KCND2: variants seen among roughly 807,000 people sequenced by gnomAD.
KCND2 encodes potassium voltage-gated channel subfamily D member 2.
A neutral mutation model predicts 54.4 loss-of-function variants in KCND2; 16 were observed. That is an observed-to-expected ratio of 0.29 (90% CI 0.20 to 0.45). KCND2 has a LOEUF of 0.45. Ranked by LOEUF, KCND2 falls within the 20% of genes least tolerant of loss-of-function variation. KCND2 has a pLI of 1.00. For missense variants in KCND2, 486 were observed against 824.2 expected, an observed-to-expected ratio of 0.59 and a Z score of 5.02; for synonymous variants, 317 against 310.7, an observed-to-expected ratio of 1.02 and a Z score of -0.21.
chr7:120,553,073 G>T (rs960749781), intron 1 of KCND2, among the ~76,000 whole-genome samples: 4 of 152,102 alleles, frequency 2.6e-5, no homozygotes. Context: ...TCTTTTAGCA[G>T]ATTTCAAGTA....
At chr7:120,444,928 T>C (rs1482242014) in intron 1 of KCND2, among the ~76,000 whole-genome samples, 2 of 152,068 alleles carry the variant, frequency 1.3e-5, no homozygotes, top group Admixed American at 1.3e-4. Context: ...TCAACTGTCA[T>C]TGGGCATGTT....
chr7:120,663,040 G>A (rs187974707), intron 1 of KCND2, among the ~76,000 whole-genome samples: 25 of 152,214 alleles, frequency 1.6e-4, no homozygotes, highest in African/African-American at 5.3e-4. Context: ...CCTGACCTCC[G>A]TTGCAACACA....
chr7:120,534,300 T>C (rs1791876579), intron 1 of KCND2, among the ~76,000 whole-genome samples: 1 of 152,092 alleles, frequency 6.6e-6, no homozygotes, highest in African/African-American at 2.4e-5. Flanking sequence ...TTGCATGATG[T>C]AATATGAATA....
At chr7:120,384,873 T>C (rs1221014297) in intron 1 of KCND2, among the ~76,000 whole-genome samples, 1 of 152,130 alleles carries the variant, frequency 6.6e-6, no homozygotes, top group Non-Finnish European at 1.5e-5. Flanking sequence ...CAAAACTCTG[T>C]TCTTATGGAA....
intron 1 of KCND2, among the ~76,000 whole-genome samples, chr7:120,588,305 A>G (rs1792625926): frequency 6.6e-6 from 1 of 152,118 alleles, no homozygotes; most frequent in Non-Finnish European, 1.5e-5. Context: ...TCCAGAATTA[A>G]AATACTATGA....
intron 1 of KCND2, among the ~76,000 whole-genome samples, chr7:120,349,663 C>A (rs73431947): frequency 0.013 from 2,047 of 152,212 alleles, 46 homozygotes; most frequent in African/African-American, 0.044. Flanking sequence ...ATTGAAGATA[C>A]CATGCAAGTT....
intron 1 of KCND2, among the ~76,000 whole-genome samples, chr7:120,331,211 G>A (rs1374906025): frequency 6.6e-6 from 1 of 151,968 alleles, no homozygotes; most frequent in East Asian, 1.9e-4. Flanking sequence ...TAATTAGAAA[G>A]ATAGTCATGT....
rs1270982973 is a variant in KCND2 at position 120,650,215 on chromosome 7, C to T, written c.1116-82688C>T. Among the ~76,000 whole-genome samples the T allele has an allele frequency of 2.5e-5, 3 of 121,322 alleles. 1 individual carries two copies. The highest frequency in any genetic ancestry group is 2.0e-4 in the East Asian group (1 of 5,090). 79.6% of individuals were successfully genotyped at this position (121,322 alleles called of 152,430 possible). On this transcript the variant is annotated intron_variant, in intron 1 of 5. Transcript: ENST00000331113. Reference sequence around the variant, plus strand: ...GGATAATATCCTGCAAAGTGTTTTCCAACTTGGTTCCATTCTCCCCGTCAC... The same window carrying T: ...GGATAATATCCTGCAAAGTGTTTTCTAACTTGGTTCCATTCTCCCCGTCAC...
rs1353925469 is a variant in KCND2, at chr7:120,273,370, G to A, written c.-1263G>A. ...CGCGCTCGGACGAGAGCCCGTGCCG[G>A]CCCCGGCCCCGGCCCCACCGCGCCA... On this transcript the variant is annotated 5_prime_UTR_variant, in exon 1 of 6. Coordinates refer to ENST00000331113, the MANE Select transcript of KCND2 (RefSeq NM_012281.3). Among the ~76,000 whole-genome samples the A allele has an allele frequency of 6.8e-6, 1 of 147,908 alleles. No individual in the cohort carries two copies. The highest frequency in any genetic ancestry group is 1.5e-5 in the Non-Finnish European group (1 of 66,498).
rs200501987 is a variant in KCND2 at position 120,294,258 on chromosome 7, A to G, written c.1115+18511A>G. On this transcript the variant is annotated intron_variant, in intron 1 of 5. Coordinates refer to ENST00000331113, the MANE Select transcript of KCND2 (RefSeq NM_012281.3). Reference sequence around the variant, plus strand: ...ACTGGTTAAAATATACATTCATTATAGCAGAAAGGACTGATTATGTTACTA... The same window carrying G: ...ACTGGTTAAAATATACATTCATTATGGCAGAAAGGACTGATTATGTTACTA... Among the ~76,000 whole-genome samples the G allele has an allele frequency of 9.9e-5, 15 of 152,094 alleles. 2 individuals carry two copies. In the East Asian group the frequency reaches 1.2e-3, roughly 12 times the overall value.
At chr7:120,612,605 A>G (rs766944523) in intron 1 of KCND2, among the ~76,000 whole-genome samples, 7 of 152,138 alleles carry the variant, frequency 4.6e-5, no homozygotes, top group African/African-American at 7.2e-5. Context: ...TATTCAGACT[A>G]TTTTCCACAG....
chr7:120,338,616 A>G (rs1019246761), intron 1 of KCND2, among the ~76,000 whole-genome samples: 1 of 152,112 alleles, frequency 6.6e-6, no homozygotes, highest in Non-Finnish European at 1.5e-5. Context: ...AATTTTTCTT[A>G]TAATGAGAAA....
At chr7:120,704,170 C>T (rs986103990) in intron 1 of KCND2, among the ~76,000 whole-genome samples, 2 of 152,138 alleles carry the variant, frequency 1.3e-5, no homozygotes, top group Non-Finnish European at 2.9e-5. Flanking sequence ...AAGACTATTA[C>T]CTTTATAACC....
chr7:120,674,755 CAT>C (rs968856060), intron 1 of KCND2, among the ~76,000 whole-genome samples: 6 of 152,210 alleles, frequency 3.9e-5, no homozygotes, highest in African/African-American at 1.4e-4. Context: ...TGGTCAAACA[CAT>C]GTGCCCATAA....
chr7:120,321,006 T>C (rs1320372435), intron 1 of KCND2, among the ~76,000 whole-genome samples: 1 of 152,116 alleles, frequency 6.6e-6, no homozygotes, highest in Non-Finnish European at 1.5e-5. Flanking sequence ...AGGTCAGAAG[T>C]GAGTGTTTGA....
At chr7:120,673,758 C>A (rs1584878422) in intron 1 of KCND2, among the ~76,000 whole-genome samples, 1 of 152,024 alleles carries the variant, frequency 6.6e-6, no homozygotes, top group Non-Finnish European at 1.5e-5. Context: ...GCATAAAATG[C>A]CCTCCATGGC....
intron 1 of KCND2, among the ~76,000 whole-genome samples, chr7:120,598,011 A>G (rs1034094175): frequency 6.6e-6 from 1 of 151,964 alleles, no homozygotes; most frequent in African/African-American, 2.4e-5. Flanking sequence ...CGCCTCCACA[A>G]GAGCATTTAG....
At chr7:120,625,187 G>A (rs1304059526) in intron 1 of KCND2, among the ~76,000 whole-genome samples, 3 of 152,178 alleles carry the variant, frequency 2.0e-5, no homozygotes, top group Non-Finnish European at 2.9e-5. Flanking sequence ...GTGATTTAGT[G>A]TATTGCATCA....
intron 1 of KCND2, among the ~76,000 whole-genome samples, chr7:120,533,977 C>T (rs1215794908): frequency 1.3e-5 from 2 of 152,128 alleles, no homozygotes; most frequent in Non-Finnish European, 2.9e-5. Context: ...ATGTCATCCA[C>T]AACTGAACGA....
Sources: allele counts gnomAD v4.1 joint callset (sites outside exome capture counted in the v4.1 genomes callset), GRCh38; gene constraint gnomAD v4.1.1; transcripts MANE v1.5; gene names NCBI Gene and HGNC (gene_info 2026-07-23, HGNC 2026-07-21).